Variants in EIF4G3 observed in about 807,000 individuals in gnomAD.
The protein encoded by EIF4G3 is eukaryotic translation initiation factor 4 gamma 3.
A neutral mutation model predicts 186.4 loss-of-function variants in EIF4G3; 34 were observed. That is an observed-to-expected ratio of 0.18 (90% CI 0.14 to 0.24). EIF4G3 has a LOEUF of 0.24. EIF4G3 is among the 10% of genes least tolerant of loss of function. EIF4G3 has a pLI of 1.00. For synonymous variants in EIF4G3, 673 were observed against 679.5 expected, an observed-to-expected ratio of 0.99 and a Z score of 0.15; for missense variants, 1,536 against 1,948.5, an observed-to-expected ratio of 0.79 and a Z score of 3.99.
intron 2 of EIF4G3, among the ~76,000 whole-genome samples, chr1:21,101,029 T>A (rs1423913208): frequency 6.6e-6 from 1 of 152,128 alleles, no homozygotes; most frequent in African/African-American, 2.4e-5. Context: ...CAAAGCACGC[T>A]TATACTAAAT....
intron 10 of EIF4G3, among the ~76,000 whole-genome samples, chr1:20,974,556 A>G (rs900437324): frequency 2.6e-5 from 4 of 152,192 alleles, no homozygotes; most frequent in African/African-American, 4.8e-5. Flanking sequence ...GAGTGGGTTC[A>G]ATAGTGAAAG....
intron 7 of EIF4G3, among the ~76,000 whole-genome samples, chr1:20,983,461 A>G (rs1023738285): frequency 6.6e-6 from 1 of 152,236 alleles, no homozygotes; most frequent in Admixed American, 6.5e-5. Flanking sequence ...TAAACCTCCC[A>G]TTACTGGACT....
intron 30 of EIF4G3, among the ~76,000 whole-genome samples, chr1:20,836,940 G>C (rs2066921624): frequency 6.6e-6 from 1 of 152,136 alleles, no homozygotes; most frequent in South Asian, 2.1e-4. Flanking sequence ...GGGTCATAAA[G>C]TATTTAGATT....
At chr1:20,975,367 T>A (rs1558516987) in intron 10 of EIF4G3, among the ~76,000 whole-genome samples, 1 of 149,660 alleles carries the variant, frequency 6.7e-6, no homozygotes. Context: ...AAAGGTGATC[T>A]CTTAAAAAAA....
At chr1:20,926,208 T>C (rs1052385063) in intron 14 of EIF4G3, among the ~76,000 whole-genome samples, 2 of 152,212 alleles carry the variant, frequency 1.3e-5, no homozygotes, top group Admixed American at 6.5e-5. Context: ...AATTGTAGAG[T>C]TGAAATTTGA....
In EIF4G3 at chr1:20,942,165, A is replaced by G. The variant is rs2095742548; in HGVS notation, c.989T>C (p.Val330Ala). ...LPPSPTTVSS[V>A]ARSTIAAPTS... is the part of the protein sequence containing the mutation. Reference sequence around the variant, plus strand: ...GGGGGCTGCAATTGTACTTCGAGCAACAGAAGAAACAGTGGTAGGTGATGG... The same window carrying G: ...GGGGGCTGCAATTGTACTTCGAGCAGCAGAAGAAACAGTGGTAGGTGATGG... The change falls in exon 14 of 37, where the codon GTT becomes GCT. Residue 330 changes from valine (V) to alanine (A), a missense_variant. Around this residue, in one of 11 missense-constraint regions of EIF4G3, gnomAD observed 560 missense variants for 547.8 expected, o/e 1.02. Transcript: ENST00000602326. 1 of 1,614,158 alleles carries G rather than the reference A, an allele frequency of 6.2e-7. No homozygotes were observed. The highest frequency in any genetic ancestry group is 8.5e-7 in the Non-Finnish European group (1 of 1,180,020).
At chr1:20,818,250 A>G (rs773510144) in intron 33 of EIF4G3, among the ~76,000 whole-genome samples, 24 of 152,182 alleles carry the variant, frequency 1.6e-4, no homozygotes, top group Non-Finnish European at 2.9e-4. Context: ...TATCAAAACT[A>G]GATAGTTTTG....
At chr1:20,845,052 A>G (rs1014852094) in intron 29 of EIF4G3, among the ~76,000 whole-genome samples, 1 of 152,100 alleles carries the variant, frequency 6.6e-6, no homozygotes, top group Non-Finnish European at 1.5e-5. Flanking sequence ...GCCTGTGCCT[A>G]TGTCCTGAAT....
intron 14 of EIF4G3, among the ~76,000 whole-genome samples, chr1:20,926,746 A>G (rs1325274431): frequency 6.6e-6 from 1 of 151,914 alleles, no homozygotes; most frequent in Non-Finnish European, 1.5e-5. Flanking sequence ...CTGATTTGTT[A>G]CTATCAGATC....
chr1:21,027,639 G>A (rs1244254113), intron 4 of EIF4G3, among the ~76,000 whole-genome samples: 1 of 151,952 alleles, frequency 6.6e-6, no homozygotes, highest in African/African-American at 2.4e-5. Context: ...CAAAAAAAAG[G>A]AAAAGTGTTG....
chr1:21,095,528 G>C (rs4654900), intron 2 of EIF4G3, among the ~76,000 whole-genome samples: 59,733 of 151,686 alleles, frequency 0.39, 12,477 homozygotes, highest in Middle Eastern at 0.52. Flanking sequence ...GCCCAGGCTA[G>C]TCTCAAACTC....
intron 4 of EIF4G3, among the ~76,000 whole-genome samples, chr1:21,049,054 C>G (rs941662473): frequency 1.3e-5 from 2 of 152,174 alleles, no homozygotes; most frequent in Non-Finnish European, 2.9e-5. Context: ...GACTTCTGAT[C>G]CAGTGGATCT....
At chr1:20,948,424 A>G (rs1034962537) in intron 13 of EIF4G3, among the ~76,000 whole-genome samples, 4 of 152,220 alleles carry the variant, frequency 2.6e-5, no homozygotes, top group Non-Finnish European at 5.9e-5. Context: ...AGCATGCCAC[A>G]TTAGGGATCA....
At chr1:21,145,322 A>G (rs898956509) in intron 2 of EIF4G3, among the ~76,000 whole-genome samples, 1 of 120,734 alleles carries the variant, frequency 8.3e-6, no homozygotes, top group African/African-American at 2.8e-5. Context: ...AAAACAAAAC[A>G]AAACAAACAA....
rs116201502 is a variant in EIF4G3 at position 21,075,145 on chromosome 1, G to T, written c.-196+13993C>A. Among the ~76,000 whole-genome samples the T allele has an allele frequency of 5.1e-3, 773 of 152,108 alleles. 7 individuals are homozygous for T. Among genetic ancestry groups the T allele is most frequent in the African/African-American group, 0.018 (743 of 41,480 alleles). The stretch of plus-strand genomic sequence containing the variant: ...CAAGAAAACAATTAACAAAATGATA[G>T]GAATTAGTACTTATCTATCAATAAT... On this transcript the variant is annotated intron_variant, in intron 3 of 36. Coordinates refer to ENST00000602326, the MANE Select transcript of EIF4G3 (RefSeq NM_001391906.1).
chr1:20,919,841 CCTT>C (rs1441302735), intron 14 of EIF4G3, among the ~76,000 whole-genome samples: 2 of 152,072 alleles, frequency 1.3e-5, no homozygotes, highest in Admixed American at 6.6e-5. Context: ...TGTAGGCTAT[CCTT>C]CTAAAGACAC....
At chr1:20,958,747 C>T (rs570721068) in intron 12 of EIF4G3, among the ~76,000 whole-genome samples, 1 of 152,258 alleles carries the variant, frequency 6.6e-6, no homozygotes, top group South Asian at 2.1e-4. Context: ...CACTGCTATA[C>T]ACCAACAACG....
intron 2 of EIF4G3, among the ~76,000 whole-genome samples, chr1:21,093,234 G>T (rs2096258805): frequency 1.3e-5 from 2 of 151,982 alleles, no homozygotes; most frequent in Non-Finnish European, 2.9e-5. Flanking sequence ...AATCTACAAA[G>T]AACTCAAACA....
At chr1:21,078,800 T>C (rs1454589319) in intron 3 of EIF4G3, among the ~76,000 whole-genome samples, 2 of 151,828 alleles carry the variant, frequency 1.3e-5, no homozygotes, top group East Asian at 1.9e-4. Flanking sequence ...GCCTGGCCGA[T>C]ATGGTGAAAC....
Sources: gnomAD v4.1 joint callset for allele counts (sites outside exome capture counted in the v4.1 genomes callset) on GRCh38, gnomAD v4.1.1 for gene constraint, gnomAD v4.1.1 regional missense constraint, MANE v1.5 for transcripts, NCBI Gene and HGNC (gene_info 2026-07-23, HGNC 2026-07-21) for gene names.